The following AGBL4 variants were observed in gnomAD, a reference collection of about 807,000 sequenced individuals.
AGBL4 encodes cytosolic carboxypeptidase 6.
In AGBL4, 58 loss-of-function variants were observed where a neutral mutation model predicts 66.4. That is an observed-to-expected ratio of 0.87 (90% CI 0.71 to 1.09). The LOEUF is 1.09. Ranked by LOEUF, AGBL4 falls within the 50% of genes least tolerant of loss-of-function variation. The probability of loss-of-function intolerance (pLI) is 0.00; values close to 1 mark genes in which losing one functional copy is unlikely to be tolerated. For missense variants in AGBL4, 579 were observed against 631.0 expected, an observed-to-expected ratio of 0.92 and a Z score of 0.88; for synonymous variants, 234 against 222.9, an observed-to-expected ratio of 1.05 and a Z score of -0.44.
chr1:48,753,143 C>T (rs952306802), intron 6 of AGBL4, among the ~76,000 whole-genome samples: 2 of 152,262 alleles, frequency 1.3e-5, no homozygotes, highest in South Asian at 4.2e-4. Context: ...GTAACTTGCC[C>T]GAGGCAACAA....
chr1:49,266,308 A>G (rs1253403284), intron 3 of AGBL4: 3 of 152,062 alleles, frequency 2.0e-5, no homozygotes, highest in Non-Finnish European at 4.4e-5. Flanking sequence ...AAACAAGGGC[A>G]TTTGTAACAT....
chr1:49,289,670 A>C (rs1416656008), intron 3 of AGBL4, among the ~76,000 whole-genome samples: 1 of 152,226 alleles, frequency 6.6e-6, no homozygotes, highest in Non-Finnish European at 1.5e-5. Context: ...TGAGATAAAT[A>C]CTAATAAAAA....
chr1:50,007,475 A>G (rs1010164698), intron 1 of AGBL4, among the ~76,000 whole-genome samples: 1 of 152,202 alleles, frequency 6.6e-6, no homozygotes, highest in African/African-American at 2.4e-5. Context: ...TAAGAAACAC[A>G]CTTCTGGCTA....
intron 3 of AGBL4, among the ~76,000 whole-genome samples, chr1:49,296,863 A>T (rs541904473): frequency 1.3e-5 from 2 of 152,358 alleles, no homozygotes; most frequent in South Asian, 4.1e-4. Context: ...TGCAGTGAAG[A>T]TTCTAGAAAA....
chr1:49,859,283 C>G (rs1277351663), intron 1 of AGBL4, among the ~76,000 whole-genome samples: 1 of 152,122 alleles, frequency 6.6e-6, no homozygotes, highest in Non-Finnish European at 1.5e-5. Flanking sequence ...AGACATTAAA[C>G]AAGAAGAAAA....
intron 8 of AGBL4, among the ~76,000 whole-genome samples, chr1:48,646,296 A>T (rs933730984): frequency 6.6e-6 from 1 of 152,172 alleles, no homozygotes; most frequent in African/African-American, 2.4e-5. Context: ...ACGGGCTGGC[A>T]GATCTCTCAA....
intron 6 of AGBL4, among the ~76,000 whole-genome samples, chr1:48,711,503 G>A (rs1646966581): frequency 6.6e-6 from 1 of 152,160 alleles, no homozygotes; most frequent in Non-Finnish European, 1.5e-5. Flanking sequence ...GCTATGTCAG[G>A]AAAGTCCCAT....
intron 1 of AGBL4, among the ~76,000 whole-genome samples, chr1:49,999,719 A>C (rs180828570): frequency 1.2e-3 from 180 of 152,322 alleles, no homozygotes; most frequent in Non-Finnish European, 1.9e-3. Flanking sequence ...TGATATAAAA[A>C]TAGGTATACA....
chr1:49,577,613 T>G (rs1006680926), intron 3 of AGBL4, among the ~76,000 whole-genome samples: 1 of 152,150 alleles, frequency 6.6e-6, no homozygotes, highest in Non-Finnish European at 1.5e-5. Flanking sequence ...AAGACTACCA[T>G]CCATGGACTC....
rs557299479 is a variant in AGBL4, at chr1:48,974,675, T to C, written c.594+70909A>G. ...CTCACCTATTTGGCGAGTGAAGTAA[T>C]TGGATGAATCTTGGAGAATGACTAT... is the stretch of plus-strand genomic sequence containing the variant. On this transcript the variant is annotated intron_variant, in intron 5 of 13. Coordinates refer to ENST00000371839, the MANE Select transcript of AGBL4 (RefSeq NM_032785.4). Among the ~76,000 whole-genome samples, 7 of 152,274 alleles carry C rather than the reference T, an allele frequency of 4.6e-5. No homozygotes were observed. In the South Asian group the frequency reaches 1.4e-3, roughly 32 times the overall value.
At chr1:48,752,005 C>T (rs1255255759) in intron 6 of AGBL4, among the ~76,000 whole-genome samples, 1 of 152,176 alleles carries the variant, frequency 6.6e-6, no homozygotes, top group African/African-American at 2.4e-5. Context: ...TTCAGACAAA[C>T]TACTCCACTT....
At chr1:49,582,816 C>T (rs901392970) in intron 3 of AGBL4, among the ~76,000 whole-genome samples, 5 of 152,166 alleles carry the variant, frequency 3.3e-5, no homozygotes, top group Non-Finnish European at 7.3e-5. Context: ...GGATTTTCTC[C>T]TGGTCCCTAG....
At chr1:49,288,460 A>C (rs1485972949) in intron 3 of AGBL4, among the ~76,000 whole-genome samples, 1 of 152,190 alleles carries the variant, frequency 6.6e-6, no homozygotes, top group African/African-American at 2.4e-5. Context: ...TAAGCTTGGC[A>C]AAATAGGGAT....
At chr1:49,916,083 T>A (rs539986910) in intron 1 of AGBL4, among the ~76,000 whole-genome samples, 29 of 152,238 alleles carry the variant, frequency 1.9e-4, no homozygotes, top group South Asian at 1.7e-3. Context: ...ACCCCATCTG[T>A]ACGTCACCAT....
chr1:48,751,721 C>A (rs965766282), intron 6 of AGBL4, among the ~76,000 whole-genome samples: 3 of 152,190 alleles, frequency 2.0e-5, no homozygotes, highest in Non-Finnish European at 4.4e-5. Context: ...CACTGCTATT[C>A]TGACAATGGG....
At chr1:48,737,708 T>C (rs1180636965) in intron 6 of AGBL4, among the ~76,000 whole-genome samples, 1 of 152,212 alleles carries the variant, frequency 6.6e-6, no homozygotes, top group Non-Finnish European at 1.5e-5. Flanking sequence ...TTTGTTCTCC[T>C]TTCTGCATCT....
intron 1 of AGBL4, among the ~76,000 whole-genome samples, chr1:49,902,264 A>C (rs1321350294): frequency 6.6e-6 from 1 of 152,210 alleles, no homozygotes; most frequent in Admixed American, 6.5e-5. Flanking sequence ...GAATGGAAGA[A>C]AATACTTGTA....
At chr1:49,932,331 C>T (rs1305643588) in intron 1 of AGBL4, among the ~76,000 whole-genome samples, 2 of 152,036 alleles carry the variant, frequency 1.3e-5, no homozygotes, top group Non-Finnish European at 2.9e-5. Flanking sequence ...ACTTCAATCC[C>T]TATGTGGCAC....
intron 4 of AGBL4, among the ~76,000 whole-genome samples, chr1:49,194,653 A>T (rs1409177489): frequency 6.6e-6 from 1 of 151,994 alleles, no homozygotes; most frequent in Non-Finnish European, 1.5e-5. Flanking sequence ...ATGGAGTGCA[A>T]TGGCTTGATT....
Sources: gnomAD v4.1 joint callset for allele counts (sites outside exome capture counted in the v4.1 genomes callset) on GRCh38, gnomAD v4.1.1 for gene constraint, MANE v1.5 for transcripts, NCBI Gene and HGNC (gene_info 2026-07-23, HGNC 2026-07-21) for gene names.